Variants in ROBO2 observed in about 807,000 individuals in gnomAD.
ROBO2 encodes the protein roundabout homolog 2.
ROBO2 carries 53 observed loss-of-function variants against 160.8 expected under a neutral mutation model. The observed-to-expected ratio is 0.33, with a 90% CI of 0.26 to 0.41. The LOEUF is 0.41. Ranked by LOEUF, ROBO2 falls within the 10% of genes least tolerant of loss-of-function variation. The pLI is 1.00. For missense variants in ROBO2, 1,577 were observed against 1,722.4 expected (o/e 0.92, Z 1.49); for synonymous variants, 664 against 611.7 (o/e 1.09, Z -1.26).
chr3:76,259,917 C>T (rs1241049180), intron 2 of ROBO2, among the ~76,000 whole-genome samples: 5 of 152,130 alleles, frequency 3.3e-5, no homozygotes, highest in Non-Finnish European at 7.4e-5. Flanking sequence ...GTGAATCTGT[C>T]AGGCTAACTT....
intron 2 of ROBO2, among the ~76,000 whole-genome samples, chr3:77,440,732 T>TGG (rs1434124807): frequency 6.6e-6 from 1 of 152,228 alleles, no homozygotes; most frequent in Non-Finnish European, 1.5e-5. Flanking sequence ...TCATTCTTAC[T>TGG]GGGAAAGAAG....
intron 2 of ROBO2, among the ~76,000 whole-genome samples, chr3:76,572,958 TCTTC>T (rs1179005574): frequency 6.6e-6 from 1 of 152,208 alleles, no homozygotes; most frequent in Non-Finnish European, 1.5e-5. Flanking sequence ...CATAAACTTC[TCTTC>T]CTTCTTTTGC....
chr3:76,275,260 G>A (rs1427856008), intron 2 of ROBO2, among the ~76,000 whole-genome samples: 1 of 152,150 alleles, frequency 6.6e-6, no homozygotes, highest in African/African-American at 2.4e-5. Flanking sequence ...AGTAGTGGAA[G>A]CAGAATTTAA....
chr3:76,080,981 CAG>C (rs1003865794), intron 2 of ROBO2, among the ~76,000 whole-genome samples: 1 of 151,838 alleles, frequency 6.6e-6, no homozygotes, highest in Non-Finnish European at 1.5e-5. Context: ...GGCTTGTTAA[CAG>C]AAAAAAATTC....
intron 2 of ROBO2, among the ~76,000 whole-genome samples, chr3:76,528,617 C>T (rs73843317): frequency 6.6e-6 from 1 of 151,980 alleles, no homozygotes; most frequent in African/African-American, 2.4e-5. Context: ...ACCTACTGGA[C>T]ATCCAACTGG....
At chr3:76,605,312 G>C (rs911002323) in intron 2 of ROBO2, among the ~76,000 whole-genome samples, 1 of 151,818 alleles carries the variant, frequency 6.6e-6, no homozygotes, top group Non-Finnish European at 1.5e-5. Flanking sequence ...TAAATTCTTA[G>C]AGCACAACTC....
At chr3:76,526,576 C>T (rs969769588) in intron 2 of ROBO2, among the ~76,000 whole-genome samples, 10 of 152,020 alleles carry the variant, frequency 6.6e-5, no homozygotes, top group East Asian at 1.9e-4. Flanking sequence ...GAGAAGAGTG[C>T]TATAAAATTT....
chr3:76,999,425 T>C (rs2061217246), intron 2 of ROBO2, among the ~76,000 whole-genome samples: 1 of 152,146 alleles, frequency 6.6e-6, no homozygotes, highest in South Asian at 2.1e-4. Context: ...GAGAAAAATA[T>C]CCAACATGCC....
At chr3:76,827,771 C>T (rs1417476682) in intron 2 of ROBO2, among the ~76,000 whole-genome samples, 1 of 151,956 alleles carries the variant, frequency 6.6e-6, no homozygotes, top group Admixed American at 6.6e-5. Context: ...CACCCACAAA[C>T]TCATTGCCTA....
intron 2 of ROBO2, among the ~76,000 whole-genome samples, chr3:76,419,656 A>G (rs2075907347): frequency 6.6e-6 from 1 of 152,058 alleles, no homozygotes; most frequent in South Asian, 2.1e-4. Flanking sequence ...GAGGAAAGAG[A>G]TGTACATTGT....
intron 2 of ROBO2, among the ~76,000 whole-genome samples, chr3:76,255,203 G>T (rs779300797): frequency 6.6e-6 from 1 of 152,024 alleles, no homozygotes; most frequent in Non-Finnish European, 1.5e-5. Context: ...GGTGATACAG[G>T]GCTTACGTTC....
intron 2 of ROBO2, among the ~76,000 whole-genome samples, chr3:76,706,924 G>A (rs888877073): frequency 5.3e-5 from 8 of 151,956 alleles, no homozygotes; most frequent in African/African-American, 1.4e-4. Context: ...ATTAGAGGTA[G>A]GAACAGATGT....
At chr3:75,925,025 T>C (rs555673788) in intron 1 of ROBO2, among the ~76,000 whole-genome samples, 2 of 152,038 alleles carry the variant, frequency 1.3e-5, no homozygotes, top group Admixed American at 1.3e-4. Flanking sequence ...CATATTAGAA[T>C]AATGAGAAAC....
chr3:76,918,252 G>A (rs1041032155), intron 2 of ROBO2, among the ~76,000 whole-genome samples: 2 of 152,232 alleles, frequency 1.3e-5, no homozygotes, highest in African/African-American at 4.8e-5. Context: ...CTGTTCTCAC[G>A]ATAGTGAGTG....
At chr3:77,113,674 G>C (rs1263786297) in intron 2 of ROBO2, among the ~76,000 whole-genome samples, 2 of 152,170 alleles carry the variant, frequency 1.3e-5, no homozygotes, top group Non-Finnish European at 2.9e-5. Flanking sequence ...AATCATACTT[G>C]AGGACTGCAT....
chr3:75,929,787 C>G (rs12637495), intron 1 of ROBO2, among the ~76,000 whole-genome samples: 2 of 150,038 alleles, frequency 1.3e-5, no homozygotes, highest in South Asian at 2.1e-4. Flanking sequence ...CTCCTCCTCC[C>G]GGTTTCAAGT....
At chr3:76,446,842 A>G (rs1559960793) in intron 2 of ROBO2, among the ~76,000 whole-genome samples, 1 of 152,238 alleles carries the variant, frequency 6.6e-6, no homozygotes, top group South Asian at 2.1e-4. Flanking sequence ...AGCCATATGT[A>G]GAAAGTTGAA....
intron 2 of ROBO2, among the ~76,000 whole-genome samples, chr3:77,406,588 A>T (rs2076271884): frequency 6.6e-6 from 1 of 152,190 alleles, no homozygotes; most frequent in South Asian, 2.1e-4. Flanking sequence ...AGTAATACTT[A>T]TTAATTGGAT....
At chr3:76,575,817 A>C (rs1481546190) in intron 2 of ROBO2, among the ~76,000 whole-genome samples, 1 of 152,130 alleles carries the variant, frequency 6.6e-6, no homozygotes, top group Non-Finnish European at 1.5e-5. Flanking sequence ...TCAGTAAAAG[A>C]GCTAAAGAAA....
Sources: gnomAD v4.1 joint callset for allele counts (sites outside exome capture counted in the v4.1 genomes callset) on GRCh38, gnomAD v4.1.1 for gene constraint, MANE v1.5 for transcripts, NCBI Gene and HGNC (gene_info 2026-07-23, HGNC 2026-07-21) for gene names.